Variants in PRDM6 observed in about 807,000 individuals in gnomAD.
PRDM6 encodes the protein putative histone-lysine N-methyltransferase PRDM6.
In PRDM6, 25 loss-of-function variants were observed where a neutral mutation model predicts 60.8. That is an observed-to-expected ratio of 0.41 (90% CI 0.30 to 0.57). The LOEUF (loss-of-function observed/expected upper bound fraction) is 0.57. Ranked by LOEUF, PRDM6 falls within the 20% of genes least tolerant of loss-of-function variation. The pLI is 0.27. For synonymous variants in PRDM6, 407 were observed against 357.4 expected (o/e 1.14, Z -1.57); for missense variants, 839 against 821.3 (o/e 1.02, Z -0.26).
At chr5:123,164,746 C>T (rs1160168716) in intron 5 of PRDM6, among the ~76,000 whole-genome samples, 3 of 152,078 alleles carry the variant, frequency 2.0e-5, no homozygotes, top group Non-Finnish European at 4.4e-5. Flanking sequence ...GGTGTGCTGC[C>T]TCAAGCCCAG....
chr5:123,090,342 G>A lies in PRDM6; in HGVS notation c.328G>A (p.Ala110Thr). The change falls in exon 2 of 8, where the codon GCC becomes ACC. Residue 110 changes from alanine to threonine, a missense_variant. Ala to Thr is a moderately conservative substitution (Grantham distance 58). Coordinates refer to ENST00000407847, the MANE Select transcript of PRDM6 (RefSeq NM_001136239.4). ...TGCCGCCGCGCTGGCTGGTCTCTCGGCCCTGCCGGTGTCGCAGCTGCCGGT... is the reference window on the plus strand; with the variant it reads ...TGCCGCCGCGCTGGCTGGTCTCTCGACCCTGCCGGTGTCGCAGCTGCCGGT... ...AAAAALAGLS[A>T]LPVSQLPVFA... is the part of the protein sequence containing the mutation. 6.8e-7 allele frequency: 1 copy of A among 1,476,344 alleles called. No homozygotes were observed. 91.5% of individuals were successfully genotyped at this position (1,476,344 alleles called of 1,614,324 possible).
chr5:123,158,119 G>A (rs1394165250), intron 4 of PRDM6, among the ~76,000 whole-genome samples: 1 of 152,186 alleles, frequency 6.6e-6, no homozygotes, highest in African/African-American at 2.4e-5. Context: ...CCCATTGCTC[G>A]AAAACAGTTC....
At chr5:123,102,559 T>C (rs1764127403) in intron 3 of PRDM6, among the ~76,000 whole-genome samples, 1 of 152,166 alleles carries the variant, frequency 6.6e-6, no homozygotes, top group Admixed American at 6.5e-5. Flanking sequence ...ACTCATGTAA[T>C]AATTATCCAT....
chr5:123,127,312 A>C (rs1764715337), intron 3 of PRDM6, among the ~76,000 whole-genome samples: 1 of 152,152 alleles, frequency 6.6e-6, no homozygotes, highest in African/African-American at 2.4e-5. Flanking sequence ...TGCTGGGATT[A>C]CAGGCATGAG....
At chr5:123,110,081 A>G (rs1055589685) in intron 3 of PRDM6, among the ~76,000 whole-genome samples, 2 of 152,218 alleles carry the variant, frequency 1.3e-5, no homozygotes, top group African/African-American at 4.8e-5. Flanking sequence ...CAGACATAAC[A>G]GTATATCATG....
At chr5:123,161,708 G>A (rs1276904149) in intron 5 of PRDM6, among the ~76,000 whole-genome samples, 3 of 152,230 alleles carry the variant, frequency 2.0e-5, no homozygotes, top group African/African-American at 4.8e-5. Context: ...ATGTGGGTGC[G>A]TGCTAGGGCA....
intron 4 of PRDM6, 93 bp downstream of exon 4, chr5:123,156,104 C>T: frequency 8.0e-7 from 1 of 1,254,494 alleles, no homozygotes; most frequent in South Asian, 1.6e-5. Context: ...AAAAAAAATC[C>T]TGCAGAACTC....
chr5:123,155,208 T>C (rs1765464759), intron 3 of PRDM6, among the ~76,000 whole-genome samples: 1 of 151,706 alleles, frequency 6.6e-6, no homozygotes, highest in African/African-American at 2.4e-5. Flanking sequence ...GGTTAAGAAA[T>C]GTAGGATTCA....
chr5:123,102,988 T>C lies in PRDM6; in HGVS notation c.900+3027T>C, dbSNP rs115134136. On this transcript the variant is annotated intron_variant, in intron 3 of 7. Coordinates refer to ENST00000407847, the MANE Select transcript of PRDM6 (RefSeq NM_001136239.4). Reference sequence around the variant, plus strand: ...ATCATTAGAAGCTCTATTTTCTTTGTAGAAAAATGACTTTTTGTTATTTAA... The same window carrying C: ...ATCATTAGAAGCTCTATTTTCTTTGCAGAAAAATGACTTTTTGTTATTTAA... Among the ~76,000 whole-genome samples the C allele has an allele frequency of 7.4e-3, 1,124 of 152,182 alleles. 7 individuals are homozygous for C. Among genetic ancestry groups the C allele is most frequent in the Non-Finnish European group, 0.012 (788 of 67,890 alleles).
At chr5:123,152,308 A>G (rs116523666) in intron 3 of PRDM6, among the ~76,000 whole-genome samples, 2,723 of 152,312 alleles carry the variant, frequency 0.018, 53 homozygotes, top group Middle Eastern at 0.065. Flanking sequence ...TAGAGACTGC[A>G]GAACTGGAAA....
chr5:123,110,551 C>G (rs1237075588), intron 3 of PRDM6, among the ~76,000 whole-genome samples: 2 of 146,602 alleles, frequency 1.4e-5, no homozygotes, highest in Non-Finnish European at 3.0e-5. Context: ...TGCACCCGGC[C>G]TACTTTTTTT....
chr5:123,117,184 A>C (rs533319884), intron 3 of PRDM6, among the ~76,000 whole-genome samples: 1 of 151,616 alleles, frequency 6.6e-6, no homozygotes, highest in Admixed American at 6.6e-5. Flanking sequence ...GCAACCCAAC[A>C]GTTCATTTAA....
intron 3 of PRDM6, among the ~76,000 whole-genome samples, chr5:123,128,092 A>G (rs1764735648): frequency 6.6e-6 from 1 of 152,230 alleles, no homozygotes; most frequent in South Asian, 2.1e-4. Flanking sequence ...TGCAAAGGAC[A>G]TGAACTCATC....
intron 3 of PRDM6, among the ~76,000 whole-genome samples, chr5:123,104,822 C>A (rs1326643979): frequency 3.9e-5 from 6 of 152,180 alleles, no homozygotes. Flanking sequence ...GTAAAACCAT[C>A]TGCCACCTCT....
chr5:123,117,483 A>T (rs906807347), intron 3 of PRDM6, among the ~76,000 whole-genome samples: 5 of 152,172 alleles, frequency 3.3e-5, no homozygotes, highest in African/African-American at 9.7e-5. Flanking sequence ...GCATGATGGA[A>T]ATTTTCATAA....
In PRDM6 at chr5:123,144,862, G is replaced by A. The variant is rs552059310; in HGVS notation, c.901-11022G>A. Among the ~76,000 whole-genome samples the A allele has an allele frequency of 3.9e-5, 6 of 152,166 alleles. No individual in the cohort carries two copies. The South Asian group carries it at 1.2e-3, about 32-fold the overall frequency. ...CTCACAGAGCAGAGAGACATGGCCCGGCCCTTAATGCTTGGGTACCTGGCA... is the reference window on the plus strand; with the variant it reads ...CTCACAGAGCAGAGAGACATGGCCCAGCCCTTAATGCTTGGGTACCTGGCA... On this transcript the variant is annotated intron_variant, in intron 3 of 7. Transcript: ENST00000407847.
chr5:123,155,695 T>C (rs1286787804), intron 3 of PRDM6, among the ~76,000 whole-genome samples, 189 bp from the exon 4 acceptor site: 2 of 152,212 alleles, frequency 1.3e-5, no homozygotes, highest in East Asian at 3.8e-4. Flanking sequence ...AAGAAAAACA[T>C]GATCGACTTG....
intron 3 of PRDM6, among the ~76,000 whole-genome samples, chr5:123,135,480 G>T (rs1764933293): frequency 6.6e-6 from 1 of 152,136 alleles, no homozygotes; most frequent in African/African-American, 2.4e-5. Flanking sequence ...ATGTCCAAGG[G>T]CTGAGCTCAG....
chr5:123,147,481 G>A (rs1300558202), intron 3 of PRDM6, among the ~76,000 whole-genome samples: 2 of 152,230 alleles, frequency 1.3e-5, no homozygotes, highest in Non-Finnish European at 2.9e-5. Flanking sequence ...TTGTAGCAGG[G>A]CCTGTGGATG....
Sources: gnomAD v4.1 joint callset for allele counts (sites outside exome capture counted in the v4.1 genomes callset) on GRCh38, gnomAD v4.1.1 for gene constraint, MANE v1.5 for transcripts, NCBI Gene and HGNC (gene_info 2026-07-23, HGNC 2026-07-21) for gene names.